FAM118A: variants seen among roughly 807,000 people sequenced by gnomAD.
The protein encoded by FAM118A is SIR2 antiphage like 2, also known as protein FAM118A.
FAM118A carries 25 observed loss-of-function variants against 38.2 expected under a neutral mutation model. The observed-to-expected ratio is 0.65, with a 90% confidence interval of 0.48 to 0.91. FAM118A has a LOEUF of 0.91. Among genes scored for constraint, FAM118A ranks in the 40% least tolerant of loss-of-function variants. The pLI, the probability that FAM118A is intolerant of heterozygous loss-of-function variation, is 0.00. For missense variants in FAM118A, 425 were observed against 463.3 expected (o/e 0.92, Z 0.76); for synonymous variants, 178 against 184.1 (o/e 0.97, Z 0.27).
In FAM118A at chr22:45,327,692, C is replaced by G. The variant is rs1202176558; in HGVS notation, c.301-150C>G. ...TGCTACACGTGAGCATCCCCTGTCCCCCTGCTCTGGGGTTGCGGCGCACGC... is the reference window on the plus strand; with the variant it reads ...TGCTACACGTGAGCATCCCCTGTCCGCCTGCTCTGGGGTTGCGGCGCACGC... On this transcript the variant is annotated intron_variant, in intron 3 of 8. Coordinates refer to ENST00000441876, the MANE Select transcript of FAM118A (RefSeq NM_017911.4). 1.5e-5 allele frequency: 11 copies of G among 746,828 alleles called. No individual in the cohort carries two copies. In the Admixed American group the frequency reaches 1.8e-4, roughly 12 times the overall value. 46.3% of individuals were successfully genotyped at this position (746,828 alleles called of 1,614,324 possible).
chr22:45,338,553 T>C (rs1476172163), intron 8 of FAM118A, among the ~76,000 whole-genome samples: 1 of 152,204 alleles, frequency 6.6e-6, no homozygotes, highest in Non-Finnish European at 1.5e-5. Flanking sequence ...AGTTACCTTT[T>C]CTCAGAGCAT....
chr22:45,333,049 C>T (rs375048293), intron 6 of FAM118A, among the ~76,000 whole-genome samples: 28 of 152,232 alleles, frequency 1.8e-4, no homozygotes, highest in African/African-American at 4.6e-4. Flanking sequence ...GGCCTGTCTT[C>T]ACTTTTCAAG....
chr22:45,331,877 G>A (rs1345140320), intron 5 of FAM118A, among the ~76,000 whole-genome samples: 4 of 133,234 alleles, frequency 3.0e-5, no homozygotes, highest in Admixed American at 7.3e-5. Context: ...ACCCGACCCC[G>A]TCAGTCATGG....
chr22:45,323,674 G>A (rs758166136), intron 3 of FAM118A, among the ~76,000 whole-genome samples: 2 of 152,242 alleles, frequency 1.3e-5, no homozygotes, highest in Admixed American at 6.5e-5. Context: ...GTGTGAGATC[G>A]TCTCAGGGAG....
chr22:45,326,973 C>T (rs1248943000), intron 3 of FAM118A, among the ~76,000 whole-genome samples: 5 of 151,338 alleles, frequency 3.3e-5, no homozygotes, highest in African/African-American at 9.7e-5. Flanking sequence ...TCGTGCCACT[C>T]ACTGCACTCC....
At chr22:45,333,912 GT>G (rs1276181103) in intron 6 of FAM118A, among the ~76,000 whole-genome samples, 2 of 152,104 alleles carry the variant, frequency 1.3e-5, no homozygotes, top group Non-Finnish European at 2.9e-5. Context: ...ATTTATTCCT[GT>G]TTCAGGTTTC....
At chr22:45,317,243 G>A (rs2084645991) in intron 1 of FAM118A, among the ~76,000 whole-genome samples, 1 of 152,202 alleles carries the variant, frequency 6.6e-6, no homozygotes, top group South Asian at 2.1e-4. Flanking sequence ...TCCAGGTTTA[G>A]TGGCGTGTGC....
intron 8 of FAM118A, among the ~76,000 whole-genome samples, chr22:45,339,638 C>A (rs1021597746): frequency 6.6e-6 from 1 of 152,304 alleles, no homozygotes; most frequent in East Asian, 1.9e-4. Context: ...TACTTTCTTT[C>A]ACGTTCATTG....
In FAM118A at chr22:45,340,582, G is replaced by A; in HGVS notation, c.*177G>A. On this transcript the variant is annotated 3_prime_UTR_variant, in exon 9 of 9. Transcript: ENST00000441876. ...GCTGGGTGAGAGGGCTCCCCTGTGTGTTGAACTATGCAGGAGGGTGACGCG... is the reference window on the plus strand; with the variant it reads ...GCTGGGTGAGAGGGCTCCCCTGTGTATTGAACTATGCAGGAGGGTGACGCG... The A allele has an allele frequency of 1.4e-6, 1 of 704,324 alleles. No homozygotes were observed. Among genetic ancestry groups the A allele is most frequent in the Non-Finnish European group, 2.5e-6 (1 of 399,312 alleles). 43.6% of individuals were successfully genotyped at this position (704,324 alleles called of 1,614,324 possible). A position where few individuals can be genotyped will look rare whatever the true frequency, so the allele number is the denominator to read the frequency against.
intron 1 of FAM118A, among the ~76,000 whole-genome samples, 183 bp downstream of exon 1, chr22:45,310,366 C>A (rs2084309158): frequency 6.6e-6 from 1 of 151,836 alleles, no homozygotes; most frequent in Admixed American, 6.6e-5. Context: ...AACCCCGAAA[C>A]TCCAAGATTT....
At chr22:45,323,969 T>G (rs1293692785) in intron 3 of FAM118A, among the ~76,000 whole-genome samples, 1 of 152,192 alleles carries the variant, frequency 6.6e-6, no homozygotes. Context: ...GGCAGGCCAT[T>G]GTTGTCCCCG....
At position 45,340,313 on chromosome 22, in the gene FAM118A, T is replaced by C. The variant is rs372325274; in HGVS notation, c.1055-73T>C. 3.2e-6 allele frequency: 5 copies of C among 1,569,926 alleles called. No homozygotes were observed. In the African/African-American group the frequency reaches 4.1e-5, roughly 13 times the overall value. On this transcript the variant is annotated intron_variant, in intron 8 of 8. Transcript: ENST00000441876. ...AACAATTGTAAAGCAGTTTCTGAAATAGAAATCTATTGCAAATAACTTCTT... is the reference window on the plus strand; with the variant it reads ...AACAATTGTAAAGCAGTTTCTGAAACAGAAATCTATTGCAAATAACTTCTT...
intron 7 of FAM118A, 129 bp downstream of exon 7, chr22:45,335,511 A>G: frequency 9.7e-7 from 1 of 1,031,858 alleles, no homozygotes; most frequent in South Asian, 1.5e-5. Context: ...AAACAGCCCC[A>G]CTGAAGATGA....
intron 1 of FAM118A, among the ~76,000 whole-genome samples, chr22:45,313,584 A>C (rs2084474843): frequency 6.6e-6 from 1 of 152,122 alleles, no homozygotes; most frequent in Non-Finnish European, 1.5e-5. Flanking sequence ...CGGCCTCCCA[A>C]AGTGCTGGGA....
intron 1 of FAM118A, among the ~76,000 whole-genome samples, chr22:45,313,051 C>T (rs1374805843): frequency 6.6e-6 from 1 of 152,136 alleles, no homozygotes; most frequent in African/African-American, 2.4e-5. Flanking sequence ...TGATAAGCCC[C>T]CTTCTGAAGC....
chr22:45,336,972 A>C (rs1367354461), intron 8 of FAM118A, among the ~76,000 whole-genome samples: 2 of 152,184 alleles, frequency 1.3e-5, no homozygotes, highest in Non-Finnish European at 2.9e-5. Flanking sequence ...ATTTATCTAA[A>C]CAGTGTATTT....
At chr22:45,309,469 T>G (rs937581226), upstream of FAM118A, 3 of 152,530 alleles carry the variant, frequency 2.0e-5, no homozygotes, top group South Asian at 2.1e-4. Context: ...GGCAGGAGTC[T>G]GCTGGGGGAC....
At chr22:45,336,242 G>A in intron 7 of FAM118A, 86 bp from the exon 8 acceptor site, 3 of 1,042,074 alleles carry the variant, frequency 2.9e-6, no homozygotes, top group South Asian at 1.5e-5. Flanking sequence ...TGCTTGGCCA[G>A]TGCTTCAGTA....
chr22:45,314,555 A>G (rs2084522657), intron 1 of FAM118A, among the ~76,000 whole-genome samples: 2 of 152,134 alleles, frequency 1.3e-5, no homozygotes, highest in African/African-American at 4.8e-5. Flanking sequence ...CTTAGTCTCA[A>G]TTTTCACTTC....
Sources: allele counts gnomAD v4.1 joint callset (sites outside exome capture counted in the v4.1 genomes callset), GRCh38; gene constraint gnomAD v4.1.1; transcripts MANE v1.5; gene names NCBI Gene and HGNC (gene_info 2026-07-23, HGNC 2026-07-21).